Variants in NRXN3 observed in about 807,000 individuals in gnomAD.
NRXN3 encodes the protein neurexin 3.
Under a neutral mutation model 137.6 loss-of-function variants are expected in NRXN3, and 32 were observed. The observed-to-expected ratio is 0.23, with a 90% CI of 0.18 to 0.31. The LOEUF (loss-of-function observed/expected upper bound fraction) is 0.31. NRXN3 is among the 10% of genes least tolerant of loss of function. The pLI is 1.00. For synonymous variants in NRXN3, 798 were observed against 784.5 expected (o/e 1.02, Z -0.29); for missense variants, 1,574 against 2,062.5 (o/e 0.76, Z 4.59).
chr14:78,990,361 A>ATTTTTTTTTTTTTTTTTTTTTT (rs1163720240), intron 15 of NRXN3, among the ~76,000 whole-genome samples: 1 of 76,070 alleles, frequency 1.3e-5, no homozygotes, highest in Non-Finnish European at 2.4e-5. Context: ...GTTCACATCT[A>ATTTTTTTTTTTTTTTTTTTTTT]TTTTTTTTTT....
intron 19 of NRXN3, among the ~76,000 whole-genome samples, chr14:79,701,650 G>A (rs143836656): frequency 2.0e-4 from 30 of 152,160 alleles, no homozygotes; most frequent in African/African-American, 6.5e-4. Context: ...CCTGGGCTGG[G>A]TAACTGGCAG....
chr14:79,102,701 C>T (rs150229016), intron 15 of NRXN3, among the ~76,000 whole-genome samples: 9 of 152,180 alleles, frequency 5.9e-5, no homozygotes, highest in African/African-American at 1.9e-4. Flanking sequence ...AAATCTTTAC[C>T]TCTAAGGGTT....
chr14:79,542,087 G>C (rs1263556409), intron 16 of NRXN3, among the ~76,000 whole-genome samples: 2 of 152,186 alleles, frequency 1.3e-5, no homozygotes, highest in African/African-American at 4.8e-5. Flanking sequence ...GGGTGAAGCA[G>C]TGACTTTGTT....
intron 2 of NRXN3, among the ~76,000 whole-genome samples, chr14:78,259,525 C>G (rs867998446): frequency 1.2e-4 from 19 of 152,246 alleles, no homozygotes; most frequent in Middle Eastern, 3.4e-3. Context: ...TCTCCTACCT[C>G]TGGTCTCTGT....
chr14:78,893,491 C>T (rs2099165166), intron 10 of NRXN3, among the ~76,000 whole-genome samples: 1 of 151,830 alleles, frequency 6.6e-6, no homozygotes, highest in African/African-American at 2.4e-5. Context: ...TTATAATGTT[C>T]AAACTGGGGA....
At chr14:78,217,715 G>A (rs903156104) in intron 1 of NRXN3, among the ~76,000 whole-genome samples, 5 of 152,196 alleles carry the variant, frequency 3.3e-5, no homozygotes, top group African/African-American at 1.2e-4. Flanking sequence ...GGGCTGGAGT[G>A]CAGCGGTGCG....
At chr14:79,830,990 A>AGAT (rs1412538867) in intron 20 of NRXN3, among the ~76,000 whole-genome samples, 3 of 152,204 alleles carry the variant, frequency 2.0e-5, no homozygotes, top group African/African-American at 4.8e-5. Context: ...TTAAGTTGAC[A>AGAT]GATAAACCTT....
intron 16 of NRXN3, among the ~76,000 whole-genome samples, chr14:79,510,593 A>G (rs2096923176): frequency 6.6e-6 from 1 of 152,170 alleles, no homozygotes; most frequent in African/African-American, 2.4e-5. Context: ...AATGAGAGAA[A>G]TAAACGAAGT....
intron 16 of NRXN3, among the ~76,000 whole-genome samples, chr14:79,544,661 C>G (rs2097302641): frequency 7.2e-6 from 1 of 138,078 alleles, no homozygotes; most frequent in Non-Finnish European, 1.5e-5. Flanking sequence ...TTCAATAGTT[C>G]TATGAATTGA....
At chr14:79,690,883 T>C (rs1284062135) in intron 17 of NRXN3, among the ~76,000 whole-genome samples, 2 of 152,144 alleles carry the variant, frequency 1.3e-5, no homozygotes, top group Non-Finnish European at 2.9e-5. Context: ...TAATATTCTT[T>C]ATGGCTTTTA....
At chr14:78,601,629 T>C (rs1450598844) in intron 4 of NRXN3, among the ~76,000 whole-genome samples, 1 of 152,154 alleles carries the variant, frequency 6.6e-6, no homozygotes, top group Middle Eastern at 3.4e-3. Flanking sequence ...ATTTTTTGTA[T>C]ATTTTTAGTA....
chr14:79,210,360 C>A (rs1395220907), intron 15 of NRXN3, among the ~76,000 whole-genome samples: 2 of 152,162 alleles, frequency 1.3e-5, no homozygotes, highest in African/African-American at 2.4e-5. Context: ...CAGTAACTGG[C>A]ACGTAGGAAG....
At chr14:78,337,920 A>T (rs1055483622) in intron 4 of NRXN3, among the ~76,000 whole-genome samples, 3 of 152,194 alleles carry the variant, frequency 2.0e-5, no homozygotes, top group Non-Finnish European at 4.4e-5. Flanking sequence ...CCTGAGGGTC[A>T]TGACTGACTC....
At chr14:79,783,624 C>T (rs1301133395) in intron 19 of NRXN3, among the ~76,000 whole-genome samples, 1 of 152,130 alleles carries the variant, frequency 6.6e-6, no homozygotes, top group Non-Finnish European at 1.5e-5. Flanking sequence ...GGATGCCACT[C>T]ACTTTAACAA....
intron 6 of NRXN3, among the ~76,000 whole-genome samples, chr14:78,674,473 A>G (rs1040463962): frequency 1.3e-5 from 2 of 152,210 alleles, no homozygotes; most frequent in Non-Finnish European, 2.9e-5. Flanking sequence ...TACTTCTTCA[A>G]ATGAATCATT....
chr14:78,948,325 C>T (rs965924568), intron 10 of NRXN3, among the ~76,000 whole-genome samples: 3 of 152,226 alleles, frequency 2.0e-5, no homozygotes, highest in African/African-American at 7.2e-5. Flanking sequence ...CTCCCTTCCC[C>T]TCCCCATTCT....
intron 4 of NRXN3, among the ~76,000 whole-genome samples, chr14:78,547,612 A>G (rs1294156490): frequency 1.3e-5 from 2 of 152,052 alleles, no homozygotes; most frequent in Non-Finnish European, 2.9e-5. Flanking sequence ...TTTAAAATAT[A>G]GTATGTTTCC....
At chr14:78,992,461 T>C (rs780585926) in intron 15 of NRXN3, among the ~76,000 whole-genome samples, 2 of 152,112 alleles carry the variant, frequency 1.3e-5, no homozygotes, top group Non-Finnish European at 2.9e-5. Context: ...TGATATTGGG[T>C]TCTTATTAGT....
chr14:79,846,520 A>G (rs2099373622), intron 20 of NRXN3, among the ~76,000 whole-genome samples: 1 of 152,226 alleles, frequency 6.6e-6, no homozygotes, highest in Non-Finnish European at 1.5e-5. Flanking sequence ...GAAGGAAGAG[A>G]GAATGGATAA....
Sources: allele counts gnomAD v4.1 joint callset (sites outside exome capture counted in the v4.1 genomes callset), GRCh38; gene constraint gnomAD v4.1.1; transcripts MANE v1.5; gene names NCBI Gene and HGNC (gene_info 2026-07-23, HGNC 2026-07-21).